Variants in MYLK observed in about 807,000 individuals in gnomAD.
MYLK encodes the protein myosin light chain kinase, smooth muscle.
Under a neutral mutation model 203.4 loss-of-function variants are expected in MYLK, and 106 were observed. That is an observed-to-expected ratio of 0.52 (90% CI 0.45 to 0.61). The LOEUF is 0.61. Ranked by LOEUF, MYLK falls within the 20% of genes least tolerant of loss-of-function variation. The pLI is 0.00. For missense variants in MYLK, 2,072 were observed against 2,442.3 expected (o/e 0.85, Z 3.20); for synonymous variants, 867 against 959.5 (o/e 0.90, Z 1.78).
Position 123,629,948 on chromosome 3 carries a change from A to C in MYLK, c.4962-322T>G. 5.7e-6 allele frequency: 2 copies of C among 349,060 alleles called. No homozygotes were observed. Among genetic ancestry groups the C allele is most frequent in the South Asian group, 2.8e-5 (1 of 35,996 alleles). 21.6% of individuals were successfully genotyped at this position (349,060 alleles called of 1,614,324 possible). ...CTGTCCTGGTTTTCTATTATTCCCCAAAGCCCAGGCTAGAGCCTTCTCCAA... is the reference window on the plus strand; with the variant it reads ...CTGTCCTGGTTTTCTATTATTCCCCCAAGCCCAGGCTAGAGCCTTCTCCAA... On this transcript the variant is annotated intron_variant, in intron 29 of 33. Transcript: ENST00000360304. The surrounding 1 kb of genome is among the most constrained non-coding windows in gnomAD (Gnocchi z 4.4).
chr3:123,625,262 A>G (rs1296504515), intron 31 of MYLK: 1 of 152,186 alleles, frequency 6.6e-6, no homozygotes, highest in Admixed American at 6.5e-5. Flanking sequence ...ACCCATGGCT[A>G]TGGAGAACTA....
In MYLK at chr3:123,709,889, C is replaced by A; in HGVS notation, c.1809G>T (p.Lys603Asn). Residue 603 changes from lysine (K) to asparagine (N), a missense_variant, in exon 14 of 34, where the codon AAG becomes AAT. Coordinates refer to ENST00000360304, the MANE Select transcript of MYLK (RefSeq NM_053025.4). ...GGTACTCACTCTTCCTGCTACTCTT[C>A]TTTTCTGTGTGGTAGAAAACAGAAC... is the stretch of plus-strand genomic sequence containing the variant. ...SCSAWVTVHEKKSSRKSEYLL... is the reference protein window; with the variant it reads ...SCSAWVTVHENKSSRKSEYLL... 1 of 1,614,104 alleles carries A rather than the reference C, an allele frequency of 6.2e-7. No individual in the cohort carries two copies. The highest frequency in any genetic ancestry group is 8.5e-7 in the Non-Finnish European group (1 of 1,180,014).
intron 3 of MYLK, among the ~76,000 whole-genome samples, chr3:123,816,044 T>C (rs773592333): frequency 2.6e-5 from 4 of 152,216 alleles, no homozygotes; most frequent in Admixed American, 1.3e-4. Flanking sequence ...TGTACATCTT[T>C]GGATCTGCAC....
At chr3:123,733,588 T>G in intron 10 of MYLK, 99 bp downstream of exon 10, 1 of 1,431,328 alleles carries the variant, frequency 7.0e-7, no homozygotes, top group Non-Finnish European at 9.8e-7. Flanking sequence ...AGAAGATGAG[T>G]GGATATAGGT....
intron 5 of MYLK, among the ~76,000 whole-genome samples, chr3:123,743,885 C>T (rs1168499935): frequency 6.6e-6 from 1 of 152,066 alleles, no homozygotes; most frequent in Non-Finnish European, 1.5e-5. Context: ...AATTTATCAT[C>T]CAAACAGAGA....
rs1017659767 is a variant in MYLK, at chr3:123,809,398, C to T, written c.-3-15554G>A. On this transcript the variant is annotated intron_variant, in intron 3 of 33. Coordinates refer to ENST00000360304, the MANE Select transcript of MYLK (RefSeq NM_053025.4). ...AAAGGTAGCCAGGTGTGGTGGCAGG[C>T]ACCTGTAATCCCAGCTACTTGGGAG... Among the ~76,000 whole-genome samples, 10 of 152,246 alleles carry T rather than the reference C, an allele frequency of 6.6e-5. No individual in the cohort carries two copies. The East Asian group carries it at 1.9e-3, about 29-fold the overall frequency.
intron 29 of MYLK, among the ~76,000 whole-genome samples, chr3:123,635,705 C>T (rs2058618215): frequency 6.6e-6 from 1 of 152,210 alleles, no homozygotes; most frequent in Non-Finnish European, 1.5e-5. Flanking sequence ...GAAAAGAACT[C>T]TCATTTGACA....
chr3:123,749,552 C>G (rs1348538144), intron 5 of MYLK, among the ~76,000 whole-genome samples: 1 of 152,188 alleles, frequency 6.6e-6, no homozygotes, highest in Non-Finnish European at 1.5e-5. Context: ...TTGGGGGATT[C>G]TGAATGTTTC....
In MYLK at chr3:123,612,242, A is replaced by G. The variant is rs2057263980; in HGVS notation, c.*1863T>C. 6.5e-6 allele frequency: 1 copy of G among 152,680 alleles called. No individual in the cohort carries two copies. The highest frequency in any genetic ancestry group is 1.5e-5 in the Non-Finnish European group (1 of 68,036). 9.5% of individuals were successfully genotyped at this position (152,680 alleles called of 1,614,324 possible). On this transcript the variant is annotated 3_prime_UTR_variant, in exon 34 of 34. Coordinates refer to ENST00000360304, the MANE Select transcript of MYLK (RefSeq NM_053025.4). ...AGTGTTTGTTTTTCATTTCCAGGAT[A>G]TAGCTGTGTCCTTTACAACTGGTAG...
intron 4 of MYLK, among the ~76,000 whole-genome samples, chr3:123,785,525 C>A (rs144025755): frequency 7.2e-4 from 110 of 152,370 alleles, no homozygotes; most frequent in African/African-American, 2.4e-3. Context: ...CAAAGATTCT[C>A]TCATCAACAG....
chr3:123,714,817 C>A (rs2061836165), intron 13 of MYLK, among the ~76,000 whole-genome samples: 1 of 152,148 alleles, frequency 6.6e-6, no homozygotes, highest in Non-Finnish European at 1.5e-5. Context: ...CTGCCACTGT[C>A]CCATTTTGAC....
intron 3 of MYLK, among the ~76,000 whole-genome samples, chr3:123,819,335 C>A (rs1349028318): frequency 6.6e-6 from 1 of 152,212 alleles, no homozygotes; most frequent in Non-Finnish European, 1.5e-5. Flanking sequence ...CTCAGGAATT[C>A]TCTCCACTGT....
At chr3:123,752,625 T>C (rs1489016516) in intron 4 of MYLK, 87 bp from the exon 5 acceptor site, 1 of 1,223,666 alleles carries the variant, frequency 8.2e-7, no homozygotes, top group Non-Finnish European at 1.2e-6. Context: ...TTTACATGTG[T>C]TAACTCATTT....
chr3:123,736,801 G>A (rs2062687594), intron 8 of MYLK, among the ~76,000 whole-genome samples: 1 of 152,188 alleles, frequency 6.6e-6, no homozygotes, highest in Non-Finnish European at 1.5e-5. Context: ...ACAAAAGGGA[G>A]TCCGGGTGAG....
At chr3:123,735,101 C>G in intron 9 of MYLK, 1 of 429,454 alleles carries the variant, frequency 2.3e-6, no homozygotes, top group Non-Finnish European at 4.4e-6. Context: ...AGGAAGGCGG[C>G]CTTCTCAGAG....
chr3:123,729,996 G>C (rs1410984607), intron 11 of MYLK, among the ~76,000 whole-genome samples: 2 of 151,774 alleles, frequency 1.3e-5, no homozygotes, highest in Non-Finnish European at 2.9e-5. Flanking sequence ...GGAGGTTGAA[G>C]TGGGAGGATC....
chr3:123,708,130 A>C, intron 15 of MYLK, 127 bp from the exon 16 acceptor site: 1 of 1,354,688 alleles, frequency 7.4e-7, no homozygotes, highest in Non-Finnish European at 1.0e-6. Context: ...TCCAGAAATC[A>C]CTGTGATTGG....
intron 2 of MYLK, among the ~76,000 whole-genome samples, chr3:123,852,974 A>G (rs1447436717): frequency 6.6e-6 from 1 of 152,152 alleles, no homozygotes; most frequent in Non-Finnish European, 1.5e-5. Context: ...AGGCCTTAAA[A>G]GAGCAAATTA....
intron 27 of MYLK, among the ~76,000 whole-genome samples, chr3:123,645,335 G>A (rs2058977838): frequency 6.6e-6 from 1 of 152,180 alleles, no homozygotes; most frequent in Non-Finnish European, 1.5e-5. Flanking sequence ...AACTACTATT[G>A]CCTTTCCTAA....
Sources: allele counts gnomAD v4.1 joint callset (sites outside exome capture counted in the v4.1 genomes callset), GRCh38; gene constraint gnomAD v4.1.1; non-coding constraint Gnocchi (gnomAD v3.1); transcripts MANE v1.5; gene names NCBI Gene and HGNC (gene_info 2026-07-23, HGNC 2026-07-21).